DENND1A: variants seen among roughly 807,000 people sequenced by gnomAD.
DENND1A encodes DENN domain-containing protein 1A.
Under a neutral mutation model 113.7 loss-of-function variants are expected in DENND1A, and 51 were observed. The ratio of observed to expected loss-of-function variants is 0.45; its 90% CI spans 0.36 to 0.57. DENND1A has a LOEUF of 0.57. Ranked by LOEUF, DENND1A falls within the 20% of genes least tolerant of loss-of-function variation. The pLI is 0.00. For synonymous variants in DENND1A, 565 were observed against 570.8 expected, an observed-to-expected ratio of 0.99 and a Z score of 0.14; for missense variants, 1,258 against 1,395.9, an observed-to-expected ratio of 0.90 and a Z score of 1.57.
chr9:123,489,505 A>G (rs1034601280), intron 13 of DENND1A, among the ~76,000 whole-genome samples: 2 of 152,246 alleles, frequency 1.3e-5, no homozygotes, highest in Admixed American at 1.3e-4. Context: ...ACTCTGCCTC[A>G]GTGGCATAAG....
intron 3 of DENND1A, among the ~76,000 whole-genome samples, chr9:123,790,009 G>A (rs1832770520): frequency 6.6e-6 from 1 of 152,028 alleles, no homozygotes; most frequent in Non-Finnish European, 1.5e-5. Flanking sequence ...GTGTGTCTGT[G>A]TGTCTGTGTG....
At chr9:123,412,592 G>A (rs191636060) in intron 19 of DENND1A, among the ~76,000 whole-genome samples, 229 of 152,316 alleles carry the variant, frequency 1.5e-3, no homozygotes, top group African/African-American at 5.2e-3. Context: ...ATTGGCTTTT[G>A]AAATCAGGAT....
chr9:123,770,982 T>G (rs1358446646), intron 3 of DENND1A, among the ~76,000 whole-genome samples: 2 of 152,170 alleles, frequency 1.3e-5, no homozygotes, highest in African/African-American at 4.8e-5. Flanking sequence ...CAATTGAGCA[T>G]ATCCTATTTT....
intron 20 of DENND1A, among the ~76,000 whole-genome samples, chr9:123,409,014 G>A (rs1329116773): frequency 2.0e-5 from 3 of 152,200 alleles, no homozygotes; most frequent in Non-Finnish European, 2.9e-5. Context: ...GAGAGACAGT[G>A]GAGAGAGGCA....
chr9:123,628,792 CAAG>C (rs1286009897), intron 10 of DENND1A, among the ~76,000 whole-genome samples: 1 of 152,080 alleles, frequency 6.6e-6, no homozygotes, highest in East Asian at 1.9e-4. Flanking sequence ...ATTGATGAAT[CAAG>C]AAGAAATTCA....
chr9:123,841,125 A>G lies in DENND1A; in HGVS notation c.88+37826T>C, dbSNP rs77764043. 6.2e-3 allele frequency among the ~76,000 whole-genome samples: 944 copies of G among 152,330 alleles called. 4 individuals carry two copies. The highest frequency in any genetic ancestry group is 9.8e-3 in the Non-Finnish European group (668 of 68,030). ...AAATCTTAAACCAAATGTGATAATT[A>G]CCAAGGTGATGTCATTTAGAAAGTA... On this transcript the variant is annotated intron_variant, in intron 2 of 23. Coordinates refer to ENST00000394215, the MANE Select transcript of DENND1A (RefSeq NM_001352964.2).
chr9:123,851,850 C>G (rs1843414068), intron 2 of DENND1A, among the ~76,000 whole-genome samples: 1 of 152,100 alleles, frequency 6.6e-6, no homozygotes, highest in Non-Finnish European at 1.5e-5. Context: ...CTTTACAGAC[C>G]AGAAGCAGGC....
At chr9:123,637,933 GCACACACACACACACACGCGCACA>G (rs1041520796) in intron 9 of DENND1A, among the ~76,000 whole-genome samples, 17 of 73,980 alleles carry the variant, frequency 2.3e-4, no homozygotes, top group Admixed American at 6.9e-4. Context: ...ACACACACAC[GCACACACACACACACACGCGCACA>G]CACACACACA....
chr9:123,486,740 T>C (rs76222308), intron 13 of DENND1A, among the ~76,000 whole-genome samples: 17,118 of 152,190 alleles, frequency 0.11, 1,111 homozygotes, highest in Middle Eastern at 0.15. Flanking sequence ...CCCCACCTCA[T>C]ATGTTAGTTC....
At chr9:123,537,300 T>A (rs2055859552) in intron 13 of DENND1A, among the ~76,000 whole-genome samples, 1 of 151,620 alleles carries the variant, frequency 6.6e-6, no homozygotes, top group Non-Finnish European at 1.5e-5. Flanking sequence ...ACAAATCAAC[T>A]CAACAGACAA....
intron 19 of DENND1A, among the ~76,000 whole-genome samples, chr9:123,436,287 C>T (rs1040323993): frequency 2.0e-5 from 3 of 152,246 alleles, no homozygotes; most frequent in African/African-American, 7.2e-5. Context: ...AGGGCAACGC[C>T]CTCCCGCAGC....
At chr9:123,928,278 C>A (rs529955127) in intron 1 of DENND1A, among the ~76,000 whole-genome samples, 125 of 152,332 alleles carry the variant, frequency 8.2e-4, no homozygotes, top group African/African-American at 2.9e-3. Context: ...CTGGTTCTGA[C>A]ACTCACTGCT....
intron 12 of DENND1A, among the ~76,000 whole-genome samples, chr9:123,561,854 C>G (rs1433324396): frequency 6.6e-6 from 1 of 152,260 alleles, no homozygotes. Flanking sequence ...ATGTCAGATT[C>G]CCTACTTCTC....
chr9:123,420,057 C>G (rs2045116165), intron 19 of DENND1A, among the ~76,000 whole-genome samples: 1 of 152,210 alleles, frequency 6.6e-6, no homozygotes, highest in Admixed American at 6.5e-5. Context: ...AGCTGTCACT[C>G]TAGAGGGATA....
chr9:123,569,139 G>A (rs938667352), intron 12 of DENND1A, among the ~76,000 whole-genome samples: 1 of 152,148 alleles, frequency 6.6e-6, no homozygotes, highest in Non-Finnish European at 1.5e-5. Context: ...TTAAATCTTT[G>A]TTACGACAAA....
intron 1 of DENND1A, among the ~76,000 whole-genome samples, chr9:123,882,768 T>C (rs554122114): frequency 6.6e-6 from 1 of 152,338 alleles, no homozygotes; most frequent in African/African-American, 2.4e-5. Context: ...GTCAAAGTTG[T>C]AGTCCTGGAG....
chr9:123,396,215 T>C (rs914785457), intron 21 of DENND1A, among the ~76,000 whole-genome samples: 1 of 152,154 alleles, frequency 6.6e-6, no homozygotes, highest in Non-Finnish European at 1.5e-5. Flanking sequence ...GCCACGCTCC[T>C]GGAGATGTTA....
intron 1 of DENND1A, among the ~76,000 whole-genome samples, chr9:123,916,675 C>CT (rs1185166260): frequency 1.3e-5 from 2 of 151,958 alleles, no homozygotes; most frequent in African/African-American, 4.8e-5. Context: ...GCCCGGCTGC[C>CT]TTTTTTGTTT....
chr9:123,392,072 C>T (rs1166078967), intron 21 of DENND1A, among the ~76,000 whole-genome samples: 1 of 152,190 alleles, frequency 6.6e-6, no homozygotes, highest in Admixed American at 6.5e-5. Context: ...TTTAACGTGT[C>T]GCCGGTTAGC....
Sources: allele counts gnomAD v4.1 joint callset (sites outside exome capture counted in the v4.1 genomes callset), GRCh38; gene constraint gnomAD v4.1.1; transcripts MANE v1.5; gene names NCBI Gene and HGNC (gene_info 2026-07-23, HGNC 2026-07-21).